Variants in EHBP1 observed in about 807,000 individuals in gnomAD.
EHBP1 encodes EH domain-binding protein 1.
Under a neutral mutation model 144.0 loss-of-function variants are expected in EHBP1, and 55 were observed. The observed-to-expected ratio is 0.38, with a 90% CI of 0.31 to 0.48. The LOEUF (loss-of-function observed/expected upper bound fraction) is 0.48. EHBP1 is among the 20% of genes least tolerant of loss of function. EHBP1 has a pLI of 0.98. For synonymous variants in EHBP1, 469 were observed against 472.7 expected, an observed-to-expected ratio of 0.99 and a Z score of 0.10; for missense variants, 1,200 against 1,364.2, an observed-to-expected ratio of 0.88 and a Z score of 1.90.
At chr2:62,916,760 A>G (rs1216335695) in intron 10 of EHBP1, among the ~76,000 whole-genome samples, 3 of 149,458 alleles carry the variant, frequency 2.0e-5, no homozygotes, top group African/African-American at 4.9e-5. Flanking sequence ...ATATTTTATA[A>G]TATTGTGTAT....
chr2:62,746,639 T>G (rs2152141484), intron 2 of EHBP1, among the ~76,000 whole-genome samples: 1 of 152,202 alleles, frequency 6.6e-6, no homozygotes, highest in East Asian at 1.9e-4. Context: ...ATTAGGTTGA[T>G]GCAGAAGTAA....
chr2:62,696,027 T>C (rs2034075191), intron 1 of EHBP1, among the ~76,000 whole-genome samples: 1 of 152,150 alleles, frequency 6.6e-6, no homozygotes, highest in Non-Finnish European at 1.5e-5. Context: ...CATTATTTTT[T>C]ATTGTAAAAA....
chr2:62,958,496 G>A (rs2057833742), intron 14 of EHBP1, among the ~76,000 whole-genome samples: 1 of 152,102 alleles, frequency 6.6e-6, no homozygotes. Context: ...TTCTACAACA[G>A]GCAAAACTAA....
chr2:62,778,704 CA>C (rs2042216884), intron 5 of EHBP1, among the ~76,000 whole-genome samples: 1 of 152,046 alleles, frequency 6.6e-6, no homozygotes, highest in South Asian at 2.1e-4. Context: ...ACAATGTAAA[CA>C]ATATAAAATC....
intron 7 of EHBP1, among the ~76,000 whole-genome samples, chr2:62,832,431 C>CTT: frequency 8.0e-6 from 1 of 125,284 alleles, no homozygotes; most frequent in Non-Finnish European, 1.7e-5. Flanking sequence ...ATTTTTTTTT[C>CTT]TTTTTTCTTT....
intron 7 of EHBP1, among the ~76,000 whole-genome samples, chr2:62,840,416 G>T (rs2047719023): frequency 7.1e-6 from 1 of 141,186 alleles, no homozygotes; most frequent in Admixed American, 7.4e-5. Context: ...TACCATTCAG[G>T]ACTTAGGCAT....
chr2:62,884,329 G>GT (rs1312780053), intron 10 of EHBP1, among the ~76,000 whole-genome samples: 2 of 152,154 alleles, frequency 1.3e-5, no homozygotes, highest in Non-Finnish European at 2.9e-5. Flanking sequence ...TCACTTATCT[G>GT]TTTTTTGTTG....
At chr2:62,756,105 C>G (rs2040253314) in intron 3 of EHBP1, among the ~76,000 whole-genome samples, 1 of 147,366 alleles carries the variant, frequency 6.8e-6, no homozygotes, top group African/African-American at 2.5e-5. Flanking sequence ...GAAACCCCCT[C>G]TCTACAAAAA....
intron 14 of EHBP1, among the ~76,000 whole-genome samples, chr2:62,967,012 A>G (rs2058276454): frequency 6.6e-6 from 1 of 152,182 alleles, no homozygotes; most frequent in Non-Finnish European, 1.5e-5. Context: ...TGAGTCTCCA[A>G]TATCATCAGT....
intron 19 of EHBP1, among the ~76,000 whole-genome samples, chr2:63,024,990 A>G (rs751888042): frequency 4.0e-5 from 6 of 151,618 alleles, no homozygotes; most frequent in Non-Finnish European, 8.8e-5. Flanking sequence ...AGCGAGATCC[A>G]CTCTGGGAAA....
intron 12 of EHBP1, among the ~76,000 whole-genome samples, chr2:62,948,029 T>C (rs146593629): frequency 1.5e-3 from 227 of 152,340 alleles, no homozygotes; most frequent in Middle Eastern, 0.01. Context: ...ACTCTCATTT[T>C]TGCTTGTTTC....
chr2:62,717,106 A>G (rs2035761085), intron 2 of EHBP1, among the ~76,000 whole-genome samples: 1 of 152,154 alleles, frequency 6.6e-6, no homozygotes, highest in African/African-American at 2.4e-5. Flanking sequence ...TCATGATTTT[A>G]AAGAAATGAA....
intron 4 of EHBP1, among the ~76,000 whole-genome samples, chr2:62,765,038 C>G (rs891528543): frequency 6.6e-6 from 1 of 151,920 alleles, no homozygotes; most frequent in African/African-American, 2.4e-5. Flanking sequence ...AATGGCTCTT[C>G]AAGCTATTTT....
intron 19 of EHBP1, among the ~76,000 whole-genome samples, chr2:63,023,322 T>A (rs1235879014): frequency 6.6e-6 from 1 of 152,228 alleles, no homozygotes; most frequent in Non-Finnish European, 1.5e-5. Flanking sequence ...GAAACAAAGA[T>A]TAATCAAAAT....
At chr2:62,757,415 CT>C (rs869184433) in intron 3 of EHBP1, among the ~76,000 whole-genome samples, 95 of 121,902 alleles carry the variant, frequency 7.8e-4, no homozygotes, top group South Asian at 1.6e-3. Context: ...TTCTTTCTTT[CT>C]TTTTTTTTTC....
At chr2:62,708,248 TTTCTC>T (rs2034790006) in intron 2 of EHBP1, among the ~76,000 whole-genome samples, 1 of 152,200 alleles carries the variant, frequency 6.6e-6, no homozygotes, top group South Asian at 2.1e-4. Flanking sequence ...TCTGAATGCT[TTTCTC>T]TTCAACTTAT....
At chr2:62,736,976 A>C (rs978853727) in intron 2 of EHBP1, among the ~76,000 whole-genome samples, 2 of 152,162 alleles carry the variant, frequency 1.3e-5, no homozygotes, top group South Asian at 4.1e-4. Flanking sequence ...TTCAGTAAGG[A>C]CTGGGTTTGG....
chr2:62,993,732 A>C (rs1478590947), intron 17 of EHBP1, 64 bp downstream of exon 17: 9 of 817,888 alleles, frequency 1.1e-5, no homozygotes, highest in Non-Finnish European at 1.5e-5. Context: ...ATCTATATAT[A>C]GTATATATAT....
chr2:62,757,769 A>T (rs2040431559), intron 3 of EHBP1, among the ~76,000 whole-genome samples: 2 of 152,040 alleles, frequency 1.3e-5, no homozygotes, highest in African/African-American at 4.8e-5. Flanking sequence ...TGTGTAGCTT[A>T]CTATTTTTCT....
Sources: gnomAD v4.1 joint callset for allele counts (sites outside exome capture counted in the v4.1 genomes callset) on GRCh38, gnomAD v4.1.1 for gene constraint, MANE v1.5 for transcripts, NCBI Gene and HGNC (gene_info 2026-07-23, HGNC 2026-07-21) for gene names.